PTPRG: variants seen among roughly 807,000 people sequenced by gnomAD.
The protein encoded by PTPRG is receptor-type tyrosine-protein phosphatase gamma.
A neutral mutation model predicts 165.3 loss-of-function variants in PTPRG; 102 were observed. The ratio of observed to expected loss-of-function variants is 0.62; its 90% confidence interval spans 0.53 to 0.73. The LOEUF is 0.73. PTPRG is among the 30% of genes least tolerant of loss of function. The pLI, the probability that PTPRG is intolerant of heterozygous loss-of-function variation, is 0.00. For synonymous variants in PTPRG, 675 were observed against 669.5 expected, an observed-to-expected ratio of 1.01 and a Z score of -0.13; for missense variants, 1,866 against 1,861.4, an observed-to-expected ratio of 1.00 and a Z score of -0.05.
At chr3:61,630,107 T>A (rs1701727231) in intron 1 of PTPRG, among the ~76,000 whole-genome samples, 1 of 152,134 alleles carries the variant, frequency 6.6e-6, no homozygotes, top group Admixed American at 6.5e-5. Context: ...GGCCTTAGGG[T>A]GCTAGGAATT....
intron 2 of PTPRG, among the ~76,000 whole-genome samples, chr3:61,928,447 A>G (rs1258554807): frequency 6.6e-6 from 1 of 152,212 alleles, no homozygotes; most frequent in Non-Finnish European, 1.5e-5. Context: ...TTTCTACTTG[A>G]AAAATGAAAT....
At chr3:61,972,009 T>C (rs2040395821) in intron 2 of PTPRG, among the ~76,000 whole-genome samples, 1 of 152,198 alleles carries the variant, frequency 6.6e-6, no homozygotes, top group Admixed American at 6.5e-5. Flanking sequence ...GGGCAGTGAG[T>C]GAACAATAGA....
chr3:61,792,426 A>T (rs769125120), intron 2 of PTPRG, among the ~76,000 whole-genome samples: 1 of 152,080 alleles, frequency 6.6e-6, no homozygotes, highest in East Asian at 2.0e-4. Context: ...GGGACTCACT[A>T]TGTTGTCCAG....
intron 8 of PTPRG, among the ~76,000 whole-genome samples, chr3:62,176,316 G>T (rs1260906991): frequency 2.0e-5 from 3 of 152,190 alleles, no homozygotes; most frequent in Non-Finnish European, 4.4e-5. Flanking sequence ...TTTAACAAGT[G>T]AGGTGTCTAA....
intron 5 of PTPRG, among the ~76,000 whole-genome samples, chr3:62,087,449 T>C (rs1508408): frequency 0.33 from 49,688 of 152,030 alleles, 10,212 homozygotes; most frequent in African/African-American, 0.59. Context: ...CTAAATAGAA[T>C]ACAAACACCA....
chr3:61,743,418 C>T (rs1288450356), intron 1 of PTPRG, among the ~76,000 whole-genome samples: 1 of 152,182 alleles, frequency 6.6e-6, no homozygotes, highest in African/African-American at 2.4e-5. Context: ...TCACTGTATT[C>T]TTCCTTTCTA....
intron 2 of PTPRG, among the ~76,000 whole-genome samples, chr3:61,809,465 A>G (rs1473433435): frequency 6.6e-6 from 1 of 152,118 alleles, no homozygotes; most frequent in Non-Finnish European, 1.5e-5. Flanking sequence ...AGGAAGTGGT[A>G]TGGTGTACTA....
chr3:61,614,129 C>A (rs1022882842), intron 1 of PTPRG, among the ~76,000 whole-genome samples: 1 of 152,196 alleles, frequency 6.6e-6, no homozygotes, highest in African/African-American at 2.4e-5. Context: ...CCGCCTCTCA[C>A]CTCTTCGCCT....
intron 17 of PTPRG, 86 bp from the exon 18 acceptor site, chr3:62,267,324 C>T: frequency 2.0e-6 from 2 of 1,012,762 alleles, no homozygotes; most frequent in Non-Finnish European, 1.5e-6. Context: ...TGTCATGTTA[C>T]CTGATTGCCT....
chr3:62,088,021 A>G (rs900749659), intron 5 of PTPRG, among the ~76,000 whole-genome samples: 3 of 152,220 alleles, frequency 2.0e-5, no homozygotes, highest in Non-Finnish European at 4.4e-5. Flanking sequence ...TTATGTAAGC[A>G]TAGTGTGAGT....
At chr3:61,700,225 G>C (rs562635907) in intron 1 of PTPRG, among the ~76,000 whole-genome samples, 1 of 152,246 alleles carries the variant, frequency 6.6e-6, no homozygotes, top group Admixed American at 6.5e-5. Context: ...TTGCTAGAAC[G>C]ATGCTGTGGG....
chr3:62,178,495 A>G (rs980565090), intron 8 of PTPRG, among the ~76,000 whole-genome samples: 5 of 152,170 alleles, frequency 3.3e-5, no homozygotes, highest in Non-Finnish European at 7.3e-5. Context: ...TGGGGAAGCC[A>G]CCTTTTACTC....
chr3:61,989,860 C>A, intron 3 of PTPRG, 56 bp downstream of exon 3: 2 of 1,580,602 alleles, frequency 1.3e-6, no homozygotes, highest in Admixed American at 1.7e-5. Context: ...TTTTGGATGT[C>A]TCTGGTGTTT....
chr3:61,612,969 C>T lies in PTPRG; in HGVS notation c.85+50597C>T, dbSNP rs111319048. On this transcript the variant is annotated intron_variant, in intron 1 of 29. Transcript: ENST00000474889. The stretch of plus-strand genomic sequence containing the variant: ...AGGACAGGTCAGCTTGTCTCAATCT[C>T]TCCCTCCATTCCTTGCTGTCTGTGC... Among the ~76,000 whole-genome samples, 806 of 152,266 alleles carry T rather than the reference C, an allele frequency of 5.3e-3. 5 individuals are homozygous for T. The highest frequency in any genetic ancestry group is 7.3e-3 in the Non-Finnish European group (495 of 68,022).
At chr3:61,949,238 G>A (rs1435865136) in intron 2 of PTPRG, among the ~76,000 whole-genome samples, 3 of 152,114 alleles carry the variant, frequency 2.0e-5, no homozygotes, top group African/African-American at 4.8e-5. Flanking sequence ...ATTTATAACC[G>A]AAGGAAAATG....
Position 62,295,467 on chromosome 3 carries a change from T to TAAAC in PTPRG, c.*2162_*2165dup, listed in dbSNP as rs1703030224. On this transcript the variant is annotated 3_prime_UTR_variant, in exon 30 of 30. Coordinates refer to ENST00000474889, the MANE Select transcript of PTPRG (RefSeq NM_002841.4). ...CTCAGTAATTTTTTCTTAATAAAAG[T>TAAAC]AAACACTGGTTCAAAGACAAATAGC... is the stretch of plus-strand genomic sequence containing the variant. 6.6e-6 allele frequency: 1 copy of TAAAC among 152,096 alleles called. No homozygotes were observed. Among genetic ancestry groups the TAAAC allele is most frequent in the African/African-American group, 2.4e-5 (1 of 41,436 alleles). 9.4% of individuals were successfully genotyped at this position (152,096 alleles called of 1,614,324 possible).
Position 61,989,815 on chromosome 3 carries a change from G to C in PTPRG, c.370+11G>C, listed in dbSNP as rs542950495. On this transcript the variant is annotated intron_variant, in intron 3 of 29. Coordinates refer to ENST00000474889, the MANE Select transcript of PTPRG (RefSeq NM_002841.4). Reference sequence around the variant, plus strand: ...ACACAGGGAAAACAGGTAGACAATGGCTTCTTTATTTGTCCACAGAGCAAC... The same window carrying C: ...ACACAGGGAAAACAGGTAGACAATGCCTTCTTTATTTGTCCACAGAGCAAC... 1.2e-6 allele frequency: 2 copies of C among 1,613,094 alleles called. No homozygotes were observed. Among genetic ancestry groups the C allele is most frequent in the East Asian group, 2.2e-5 (1 of 44,856 alleles).
chr3:61,673,337 A>G (rs1361553128), intron 1 of PTPRG, among the ~76,000 whole-genome samples: 2 of 152,228 alleles, frequency 1.3e-5, no homozygotes, highest in Non-Finnish European at 2.9e-5. Context: ...ACTCTGTGTT[A>G]GAGATTTTTG....
intron 4 of PTPRG, among the ~76,000 whole-genome samples, chr3:62,010,304 A>G (rs2041391141): frequency 6.6e-6 from 1 of 152,014 alleles, no homozygotes; most frequent in East Asian, 1.9e-4. Flanking sequence ...CCTCCGCTGA[A>G]GAATCTGTTT....
Sources: gnomAD v4.1 joint callset for allele counts (sites outside exome capture counted in the v4.1 genomes callset) on GRCh38, gnomAD v4.1.1 for gene constraint, MANE v1.5 for transcripts, NCBI Gene and HGNC (gene_info 2026-07-23, HGNC 2026-07-21) for gene names.